ALDH1A2: variants seen among roughly 807,000 people sequenced by gnomAD.
The protein encoded by ALDH1A2 is retinal dehydrogenase 2.
In ALDH1A2, 27 loss-of-function variants were observed where a neutral mutation model predicts 60.3. The observed-to-expected ratio is 0.45, with a 90% CI of 0.33 to 0.62. The LOEUF is 0.62. Among genes scored for constraint, ALDH1A2 ranks in the 20% least tolerant of loss-of-function variants. The pLI, the probability that ALDH1A2 is intolerant of heterozygous loss-of-function variation, is 0.02. For missense variants in ALDH1A2, 581 were observed against 643.8 expected (o/e 0.90, Z 1.06); for synonymous variants, 289 against 232.4 (o/e 1.24, Z -2.21).
intron 4 of ALDH1A2, among the ~76,000 whole-genome samples, chr15:58,004,386 T>A (rs1357266702): frequency 1.3e-5 from 2 of 151,844 alleles, no homozygotes; most frequent in Non-Finnish European, 2.9e-5. Context: ...ATATATTGCA[T>A]AACTATGAGC....
At chr15:58,033,445 AT>A in intron 1 of ALDH1A2, among the ~76,000 whole-genome samples, 1 of 151,894 alleles carries the variant, frequency 6.6e-6, no homozygotes, top group East Asian at 1.9e-4. Flanking sequence ...TGCACACTGT[AT>A]TTTTTTGTTT....
Position 58,056,787 on chromosome 15 carries a change from C to T in ALDH1A2, c.117+8747G>A, listed in dbSNP as rs998606810. Among the ~76,000 whole-genome samples, 6 of 152,148 alleles carry T rather than the reference C, an allele frequency of 3.9e-5. No individual in the cohort carries two copies. In the South Asian group the frequency reaches 1.2e-3, roughly 32 times the overall value. ...CAAACGGCCAACATGAAACGATGCTCAATCTCACAAGAAATCAAGGAAACA... is the reference window on the plus strand; with the variant it reads ...CAAACGGCCAACATGAAACGATGCTTAATCTCACAAGAAATCAAGGAAACA... On this transcript the variant is annotated intron_variant, in intron 1 of 12. Coordinates refer to ENST00000249750, the MANE Select transcript of ALDH1A2 (RefSeq NM_003888.4).
chr15:57,983,081 CA>C (rs530862395), intron 7 of ALDH1A2, among the ~76,000 whole-genome samples: 1 of 151,726 alleles, frequency 6.6e-6, no homozygotes, highest in Non-Finnish European at 1.5e-5. Context: ...ACACTGAATT[CA>C]AAAAAAATCT....
chr15:57,957,231 A>G (rs1893558045), intron 12 of ALDH1A2, among the ~76,000 whole-genome samples: 1 of 152,138 alleles, frequency 6.6e-6, no homozygotes, highest in Non-Finnish European at 1.5e-5. Flanking sequence ...AGTCACTGTC[A>G]TCCTCTTGGT....
intron 7 of ALDH1A2, among the ~76,000 whole-genome samples, chr15:57,984,116 G>A (rs1894615498): frequency 6.6e-6 from 1 of 152,162 alleles, no homozygotes; most frequent in African/African-American, 2.4e-5. Flanking sequence ...CTGGGAGGCA[G>A]TGTACCACTG....
intron 4 of ALDH1A2, among the ~76,000 whole-genome samples, chr15:58,001,404 C>A (rs1188367489): frequency 6.6e-6 from 1 of 151,846 alleles, no homozygotes; most frequent in Non-Finnish European, 1.5e-5. Flanking sequence ...ACCTCAATGA[C>A]AACTCTTTTG....
rs1479341843 is a variant in ALDH1A2, at chr15:57,953,887, G to A, written c.*1310C>T. The A allele has an allele frequency of 6.6e-6, 1 of 152,422 alleles. No homozygotes were observed. The highest frequency in any genetic ancestry group is 2.4e-5 in the African/African-American group (1 of 41,450). 9.4% of individuals were successfully genotyped at this position (152,422 alleles called of 1,614,324 possible). ...TGGAAAGATGGAAGAAGGGATGGAA[G>A]AAGGAAAGGAAGCTAACACTTCCCA... On this transcript the variant is annotated 3_prime_UTR_variant, in exon 13 of 13. Coordinates refer to ENST00000249750, the MANE Select transcript of ALDH1A2 (RefSeq NM_003888.4).
At chr15:58,025,205 C>G (rs758725567) in intron 1 of ALDH1A2, among the ~76,000 whole-genome samples, 4 of 151,932 alleles carry the variant, frequency 2.6e-5, no homozygotes, top group Non-Finnish European at 5.9e-5. Flanking sequence ...CTAAATGAAA[C>G]AGAGACTAAA....
chr15:57,971,816 C>T (rs144060235), intron 7 of ALDH1A2, among the ~76,000 whole-genome samples: 1 of 152,200 alleles, frequency 6.6e-6, no homozygotes, highest in Non-Finnish European at 1.5e-5. Context: ...CCTTCAACTC[C>T]TTGGCCCAAG....
At chr15:58,042,919 G>C (rs1303268080) in intron 1 of ALDH1A2, among the ~76,000 whole-genome samples, 1 of 151,900 alleles carries the variant, frequency 6.6e-6, no homozygotes, top group African/African-American at 2.4e-5. Flanking sequence ...TTCTCACCTG[G>C]CCACTATCAA....
chr15:58,036,697 C>G (rs1896386570), intron 1 of ALDH1A2: 1 of 151,588 alleles, frequency 6.6e-6, no homozygotes, highest in South Asian at 2.1e-4. Context: ...AAGACGTGTA[C>G]TCTGGAGCTT....
At position 58,065,623 on chromosome 15, in the gene ALDH1A2, C is replaced by A. The variant is rs764117031; in HGVS notation, c.28G>T (p.Gly10Cys). 2 of 1,606,306 alleles carry A rather than the reference C, an allele frequency of 1.2e-6. No individual in the cohort carries two copies. Among genetic ancestry groups the A allele is most frequent in the African/African-American group, 1.3e-5 (1 of 74,782 alleles). MTSSKIEMP[G>C]EVKADPAALM... is the part of the protein sequence containing the mutation. ...GCGGCGGGGTCGGCCTTCACCTCGC[C>A]GGGCATCTCTATCTTGCTGGAAGTC... is the stretch of plus-strand genomic sequence containing the variant. The change falls in exon 1 of 13, where the codon GGC (glycine) becomes TGC (cysteine). Residue 10 changes from glycine (G) to cysteine (C), a missense_variant. Gly to Cys is a radical substitution (Grantham distance 159, BLOSUM62 -3). Around this residue, in one of 2 missense-constraint regions of ALDH1A2, gnomAD observed 206 missense variants for 174.1 expected, o/e 1.18. Transcript: ENST00000249750.
At chr15:58,021,756 G>A (rs559921432) in intron 1 of ALDH1A2, among the ~76,000 whole-genome samples, 1 of 152,256 alleles carries the variant, frequency 6.6e-6, no homozygotes, top group Non-Finnish European at 1.5e-5. Flanking sequence ...GGACAGCAGG[G>A]CAAGCTGGGA....
chr15:58,005,412 C>T (rs150443262), intron 4 of ALDH1A2, among the ~76,000 whole-genome samples: 1 of 151,846 alleles, frequency 6.6e-6, no homozygotes, highest in African/African-American at 2.4e-5. Flanking sequence ...ATGCCTAATA[C>T]AGGAGCTGAA....
intron 1 of ALDH1A2, among the ~76,000 whole-genome samples, chr15:58,042,753 C>A (rs1260461473): frequency 6.6e-6 from 1 of 151,844 alleles, no homozygotes; most frequent in Non-Finnish European, 1.5e-5. Context: ...AGACTATGGA[C>A]GTATTTACTA....
chr15:58,050,030 T>C (rs1308757858), intron 1 of ALDH1A2, among the ~76,000 whole-genome samples: 1 of 151,968 alleles, frequency 6.6e-6, no homozygotes, highest in Non-Finnish European at 1.5e-5. Context: ...GCTGAAGTGT[T>C]TATTTTCAAA....
At chr15:58,042,445 T>G (rs1467205076) in intron 1 of ALDH1A2, among the ~76,000 whole-genome samples, 1 of 151,998 alleles carries the variant, frequency 6.6e-6, no homozygotes, top group Non-Finnish European at 1.5e-5. Context: ...AAATAGTAGA[T>G]GCCCAATAAA....
chr15:57,997,587 T>G (rs1356071025), intron 4 of ALDH1A2, among the ~76,000 whole-genome samples: 1 of 151,984 alleles, frequency 6.6e-6, no homozygotes, highest in Non-Finnish European at 1.5e-5. Context: ...ACACAAGCAC[T>G]GCATGGCAAT....
intron 7 of ALDH1A2, among the ~76,000 whole-genome samples, chr15:57,969,556 G>T (rs1441059820): frequency 6.6e-6 from 1 of 152,158 alleles, no homozygotes; most frequent in Non-Finnish European, 1.5e-5. Flanking sequence ...GAAGGTGGGA[G>T]TGCACGGCAA....
Sources: gnomAD v4.1 joint callset for allele counts (sites outside exome capture counted in the v4.1 genomes callset) on GRCh38, gnomAD v4.1.1 for gene constraint, gnomAD v4.1.1 regional missense constraint, MANE v1.5 for transcripts, NCBI Gene and HGNC (gene_info 2026-07-23, HGNC 2026-07-21) for gene names.